Variants in NCOR1 observed in about 807,000 individuals in gnomAD.
NCOR1 encodes the protein protein phosphatase 1, regulatory subunit 109.
In NCOR1, 63 loss-of-function variants were observed where a neutral mutation model predicts 288.1. The ratio of observed to expected loss-of-function variants is 0.22; its 90% CI spans 0.18 to 0.27. The LOEUF is 0.27. Among genes scored for constraint, NCOR1 ranks in the 10% least tolerant of loss-of-function variants. The pLI is 1.00. For synonymous variants in NCOR1, 1,007 were observed against 1,065.9 expected, an observed-to-expected ratio of 0.94 and a Z score of 1.08; for missense variants, 2,397 against 3,019.2, an observed-to-expected ratio of 0.79 and a Z score of 4.83.
chr17:16,205,932 C>T (rs2091446792), intron 1 of NCOR1, among the ~76,000 whole-genome samples: 1 of 143,306 alleles, frequency 7.0e-6, no homozygotes, highest in East Asian at 2.0e-4. Flanking sequence ...AGCGATACTC[C>T]GTCTCAAAAA....
intron 27 of NCOR1, 151 bp from the exon 28 acceptor site, chr17:16,073,720 A>C: frequency 1.5e-6 from 1 of 649,392 alleles, no homozygotes; most frequent in Non-Finnish European, 2.2e-6. Context: ...ATTCATGAAA[A>C]TATTTTCACT....
rs1184470751 is a variant in NCOR1 at position 16,153,409 on chromosome 17, CATT to C, written c.733-17_733-15del. On this transcript the variant is annotated splice_polypyrimidine_tract_variant and intron_variant, in intron 6 of 45. Coordinates refer to ENST00000268712, the MANE Select transcript of NCOR1 (RefSeq NM_006311.4). ...TTCTGCTTTTTTCTAGAGATAAAGA[CATT>C]GTTGTATCATATAATTAAAAATTAC... is the stretch of plus-strand genomic sequence containing the variant. 1.9e-6 allele frequency: 3 copies of C among 1,553,666 alleles called. No homozygotes were observed. The highest frequency in any genetic ancestry group is 2.6e-6 in the Non-Finnish European group (3 of 1,136,524).
intron 4 of NCOR1, among the ~76,000 whole-genome samples, chr17:16,170,250 T>C (rs931961504): frequency 1.6e-4 from 24 of 152,176 alleles, no homozygotes; most frequent in African/African-American, 5.3e-4. Context: ...TACTTATTTA[T>C]CTGGTATCAG....
chr17:16,185,104 G>T (rs549733328), intron 3 of NCOR1, among the ~76,000 whole-genome samples: 1 of 150,996 alleles, frequency 6.6e-6, no homozygotes, highest in Non-Finnish European at 1.5e-5. Context: ...ATGGGGAGAC[G>T]AAAGTCAGAG....
intron 10 of NCOR1, among the ~76,000 whole-genome samples, chr17:16,145,647 G>C (rs905793589): frequency 6.6e-6 from 1 of 152,136 alleles, no homozygotes; most frequent in Non-Finnish European, 1.5e-5. Context: ...GGGAAGTGAG[G>C]AGCGTCTCCG....
chr17:16,042,255 C>G (rs2057852087), intron 42 of NCOR1, among the ~76,000 whole-genome samples: 1 of 152,112 alleles, frequency 6.6e-6, no homozygotes, highest in African/African-American at 2.4e-5. Flanking sequence ...TAAATTGAGC[C>G]TGAAACAGCA....
chr17:16,055,166 A>C (rs1382030786), intron 40 of NCOR1, among the ~76,000 whole-genome samples: 1 of 152,206 alleles, frequency 6.6e-6, no homozygotes, highest in Non-Finnish European at 1.5e-5. Flanking sequence ...CAACAATCCC[A>C]TTACTGGGTA....
chr17:16,176,967 T>C (rs1379171630), intron 3 of NCOR1, among the ~76,000 whole-genome samples: 2 of 152,086 alleles, frequency 1.3e-5, no homozygotes, highest in Non-Finnish European at 2.9e-5. Flanking sequence ...ATATTATTAC[T>C]GTTCCTTTAC....
intron 19 of NCOR1, among the ~76,000 whole-genome samples, chr17:16,107,444 C>T (rs1454017960): frequency 6.6e-6 from 1 of 152,112 alleles, no homozygotes; most frequent in Non-Finnish European, 1.5e-5. Context: ...GACAAAGTAA[C>T]AAGGCGGTTA....
chr17:16,090,823 C>A (rs1303192569), intron 22 of NCOR1, among the ~76,000 whole-genome samples: 1 of 152,114 alleles, frequency 6.6e-6, no homozygotes, highest in Admixed American at 6.5e-5. Context: ...CAGTTAAGTA[C>A]CACAGTTCCT....
chr17:16,211,430 G>A (rs2092118894), intron 1 of NCOR1, among the ~76,000 whole-genome samples: 1 of 151,852 alleles, frequency 6.6e-6, no homozygotes, highest in East Asian at 1.9e-4. Flanking sequence ...GATGGGACTC[G>A]CTCTGTTGTG....
chr17:16,118,515 A>T (rs1349479326), intron 17 of NCOR1, among the ~76,000 whole-genome samples: 1 of 152,168 alleles, frequency 6.6e-6, no homozygotes, highest in Non-Finnish European at 1.5e-5. Context: ...TAGCCAATTT[A>T]AAAAAATCCT....
At chr17:16,155,775 C>T (rs1191496678) in intron 6 of NCOR1, among the ~76,000 whole-genome samples, 2 of 152,174 alleles carry the variant, frequency 1.3e-5, no homozygotes, top group African/African-American at 4.8e-5. Context: ...TTACCCCATT[C>T]CTCCTTGCCT....
rs371610642 is a variant in NCOR1 at position 16,059,795 on chromosome 17, C to T, written c.5882-1196G>A. 2.4e-4 allele frequency among the ~76,000 whole-genome samples: 36 copies of T among 152,304 alleles called. No homozygotes were observed. The East Asian group carries it at 3.1e-3, about 13-fold the overall frequency. On this transcript the variant is annotated intron_variant, in intron 37 of 45. Transcript: ENST00000268712. ...AACTCTGCTCCCTAGCCACCACCTG[C>T]TCCTCTGGTACTCAACAGTCCTTCC...
At chr17:16,080,308 T>A (rs1407545637) in intron 25 of NCOR1, 100 bp downstream of exon 25, 2 of 1,045,356 alleles carry the variant, frequency 1.9e-6, no homozygotes, top group South Asian at 1.8e-5. Flanking sequence ...ATTTAAAGAC[T>A]ATAGTTAAAA....
chr17:16,054,070 TAAAAAAAAAAAA>T (rs752015595), intron 40 of NCOR1, among the ~76,000 whole-genome samples: 1 of 72,110 alleles, frequency 1.4e-5, no homozygotes, highest in Non-Finnish European at 3.2e-5. Flanking sequence ...GACTTAAATG[TAAAAAAAAAAAA>T]AAAAAAAAAA....
Position 16,065,124 on chromosome 17 carries a change from C to T in NCOR1, c.4952-105G>A, listed in dbSNP as rs4792720. ...CTCTGTGAATCAAGGGTAATTTGTA[C>T]ATAATATAAATAAAAATGTTTACTA... On this transcript the variant is annotated intron_variant, in intron 33 of 45. Coordinates refer to ENST00000268712, the MANE Select transcript of NCOR1 (RefSeq NM_006311.4). The T allele has an allele frequency of 9.5e-4, 986 of 1,037,420 alleles. 11 individuals carry two copies. The African/African-American group carries it at 0.015, about 16-fold the overall frequency. The allele number at this position is 1,037,420 out of a possible 1,614,324, so 64.3% of individuals were successfully genotyped here. A position where few individuals can be genotyped will look rare whatever the true frequency, so the allele number is the denominator to read the frequency against.
intron 45 of NCOR1, among the ~76,000 whole-genome samples, chr17:16,033,354 A>AAAAC (rs1369085465): frequency 2.6e-5 from 4 of 151,632 alleles, no homozygotes; most frequent in Non-Finnish European, 1.5e-5. Context: ...AAAAAAAAAA[A>AAAAC]ACCCAAAAAC....
rs186642592 is a variant in NCOR1 at position 16,145,834 on chromosome 17, G to C, written c.1082+542C>G. Among the ~76,000 whole-genome samples the C allele has an allele frequency of 4.2e-3, 647 of 152,292 alleles. 4 individuals are homozygous for C. Among genetic ancestry groups the C allele is most frequent in the South Asian group, 0.029 (139 of 4,816 alleles). ...ATTGAGAGCCGGCCAGGATGACGAT[G>C]GCGGTTTTGTCGACTAGAGAGGGGG... On this transcript the variant is annotated intron_variant, in intron 10 of 45. Coordinates refer to ENST00000268712, the MANE Select transcript of NCOR1 (RefSeq NM_006311.4).
Sources: gnomAD v4.1 joint callset for allele counts (sites outside exome capture counted in the v4.1 genomes callset) on GRCh38, gnomAD v4.1.1 for gene constraint, MANE v1.5 for transcripts, NCBI Gene and HGNC (gene_info 2026-07-23, HGNC 2026-07-21) for gene names.